Variants in SDK1 observed in about 807,000 individuals in gnomAD.
The protein encoded by SDK1 is protein sidekick-1.
SDK1 carries 157 observed loss-of-function variants against 245.5 expected under a neutral mutation model. The observed-to-expected ratio is 0.64, with a 90% CI of 0.56 to 0.73. SDK1 has a LOEUF of 0.73. Ranked by LOEUF, SDK1 falls within the 30% of genes least tolerant of loss-of-function variation. The pLI, the probability that SDK1 is intolerant of heterozygous loss-of-function variation, is 0.00. For missense variants in SDK1, 3,583 were observed against 3,002.3 expected, an observed-to-expected ratio of 1.19 and a Z score of -4.52; for synonymous variants, 1,647 against 1,278.5, an observed-to-expected ratio of 1.29 and a Z score of -6.15.
intron 4 of SDK1, among the ~76,000 whole-genome samples, chr7:3,791,620 G>C (rs1274555228): frequency 3.3e-5 from 5 of 152,178 alleles, no homozygotes; most frequent in Non-Finnish European, 7.3e-5. Context: ...GCTCCCTTGG[G>C]TGGGGAGGAC....
At chr7:3,542,992 G>C (rs946183278) in intron 1 of SDK1, among the ~76,000 whole-genome samples, 1 of 152,150 alleles carries the variant, frequency 6.6e-6, no homozygotes, top group African/African-American at 2.4e-5. Flanking sequence ...GAGCCTCTTT[G>C]GGGAGATTAC....
chr7:3,967,438 G>T lies in SDK1; in HGVS notation c.1546+4G>T, dbSNP rs987585441. On this transcript the variant is annotated splice_donor_region_variant and intron_variant, in intron 10 of 44. Transcript: ENST00000404826. ...CCCGCCATCACCTGGAAAAGAGGTG[G>T]GTAGCATCCACTGCCCACAACAGCA... 2 of 1,587,842 alleles carry T rather than the reference G, an allele frequency of 1.3e-6. No individual in the cohort carries two copies. The highest frequency in any genetic ancestry group is 1.7e-6 in the Non-Finnish European group (2 of 1,156,258).
chr7:3,704,121 T>TA (rs1784819017), intron 4 of SDK1, among the ~76,000 whole-genome samples: 1 of 152,166 alleles, frequency 6.6e-6, no homozygotes, highest in African/African-American at 2.4e-5. Flanking sequence ...TGCTTCCACT[T>TA]ATAAGTGAGA....
At position 4,026,684 on chromosome 7, in the gene SDK1, G is replaced by C. The variant is rs1787371350; in HGVS notation, c.2602+9332G>C. Among the ~76,000 whole-genome samples the C allele has an allele frequency of 6.6e-6, 1 of 152,188 alleles. No homozygotes were observed. The highest frequency in any genetic ancestry group is 1.9e-4 in the East Asian group (1 of 5,192). ...AAGAAACTTGAGCTTATTTGTCAAA[G>C]GTTTGTTAACCTAATAATGCCGTAG... On this transcript the variant is annotated intron_variant, in intron 17 of 44. Transcript: ENST00000404826. The surrounding 1 kb of genome is among the most constrained non-coding windows in gnomAD (Gnocchi z 4.1).
At position 3,480,539 on chromosome 7, in the gene SDK1, A is replaced by G. The variant is rs900883209; in HGVS notation, c.299-138541A>G. ...GGTGTTCCCGATAAGCTGCCTGCCC[A>G]TGGACACTTGCCTCCTTCCAGCTCC... On this transcript the variant is annotated intron_variant, in intron 1 of 44. Transcript: ENST00000404826. Among the ~76,000 whole-genome samples the G allele has an allele frequency of 8.5e-5, 13 of 152,188 alleles. No homozygotes were observed. The South Asian group carries it at 1.0e-3, about 12-fold the overall frequency.
At chr7:3,513,377 T>G (rs1450038504) in intron 1 of SDK1, among the ~76,000 whole-genome samples, 1 of 152,162 alleles carries the variant, frequency 6.6e-6, no homozygotes, top group Non-Finnish European at 1.5e-5. Context: ...TCAAGTTGAT[T>G]TACAGTGTTA....
chr7:4,166,200 T>C (rs1287279767), intron 32 of SDK1, among the ~76,000 whole-genome samples: 1 of 152,248 alleles, frequency 6.6e-6, no homozygotes, highest in Non-Finnish European at 1.5e-5. Flanking sequence ...GGGTTACATC[T>C]GCCTGGGCAA....
At chr7:3,814,678 C>T (rs952776896) in intron 4 of SDK1, among the ~76,000 whole-genome samples, 1 of 151,996 alleles carries the variant, frequency 6.6e-6, no homozygotes, top group African/African-American at 2.4e-5. Flanking sequence ...ATTGGGATGG[C>T]ATTGAATCTG....
At chr7:3,797,538 A>G (rs1042134908) in intron 4 of SDK1, among the ~76,000 whole-genome samples, 2 of 151,956 alleles carry the variant, frequency 1.3e-5, no homozygotes, top group African/African-American at 4.8e-5. Context: ...CATATTTTAT[A>G]TGCTTTACTC....
Position 4,266,110 on chromosome 7 carries a change from G to A in SDK1, c.*726G>A. 2 of 985,506 alleles carry A rather than the reference G, an allele frequency of 2.0e-6. No homozygotes were observed. Among genetic ancestry groups the A allele is most frequent in the Non-Finnish European group, 2.4e-6 (2 of 829,972 alleles). The allele number at this position is 985,506 out of a possible 1,614,324, so 61.0% of individuals were successfully genotyped here. A position where few individuals can be genotyped will look rare whatever the true frequency, so the allele number is the denominator to read the frequency against. ...TCACCTGACAGCGAGGGAGAGGGAA[G>A]CCTCTTAGGGCTGGAAGCCACCACG... On this transcript the variant is annotated 3_prime_UTR_variant, in exon 45 of 45. Transcript: ENST00000404826.
At chr7:4,170,732 G>A (rs1001008384) in intron 32 of SDK1, among the ~76,000 whole-genome samples, 12 of 152,074 alleles carry the variant, frequency 7.9e-5, no homozygotes, top group African/African-American at 2.7e-4. Context: ...GGAGGAAACC[G>A]AACATGAACC....
At chr7:3,886,096 C>T (rs1396457869) in intron 5 of SDK1, among the ~76,000 whole-genome samples, 1 of 152,212 alleles carries the variant, frequency 6.6e-6, no homozygotes, top group East Asian at 1.9e-4. Flanking sequence ...AGACCTGCAG[C>T]TCAGCCCCTC....
intron 38 of SDK1, among the ~76,000 whole-genome samples, chr7:4,219,895 T>C (rs1785044178): frequency 6.6e-6 from 1 of 151,840 alleles, no homozygotes; most frequent in South Asian, 2.1e-4. Context: ...CTCAGTTGTT[T>C]TCTTTGTCAG....
At chr7:3,960,833 A>T (rs183180655) in intron 8 of SDK1, among the ~76,000 whole-genome samples, 1 of 152,196 alleles carries the variant, frequency 6.6e-6, no homozygotes, top group African/African-American at 2.4e-5. Flanking sequence ...TTTCTTGTGT[A>T]GGTGCCAGCT....
At chr7:3,857,732 A>T (rs952268245) in intron 5 of SDK1, among the ~76,000 whole-genome samples, 1 of 152,142 alleles carries the variant, frequency 6.6e-6, no homozygotes, top group South Asian at 2.1e-4. Context: ...ACTGAATATT[A>T]GGATTAATGA....
chr7:3,706,578 AT>A (rs1261902586), intron 4 of SDK1, among the ~76,000 whole-genome samples: 7 of 151,926 alleles, frequency 4.6e-5, no homozygotes, highest in Non-Finnish European at 8.8e-5. Context: ...ATTTTTTTGT[AT>A]TTTTAGTAGA....
chr7:4,086,627 T>C (rs1004252926), intron 22 of SDK1, among the ~76,000 whole-genome samples: 12 of 152,204 alleles, frequency 7.9e-5, no homozygotes, highest in African/African-American at 2.9e-4. Flanking sequence ...TCCTCCTCCT[T>C]CCTTCTCATC....
chr7:4,236,601 G>A (rs1170961185), intron 41 of SDK1, among the ~76,000 whole-genome samples: 2 of 152,094 alleles, frequency 1.3e-5, no homozygotes, highest in East Asian at 1.9e-4. Context: ...GCAGACGGCA[G>A]GTCCTGGGGT....
chr7:3,695,787 A>G (rs941624992), intron 4 of SDK1, among the ~76,000 whole-genome samples: 10 of 152,224 alleles, frequency 6.6e-5, no homozygotes, highest in African/African-American at 2.4e-4. Context: ...GGCAACCGCT[A>G]GACGTAGCCT....
Sources: allele counts gnomAD v4.1 joint callset (sites outside exome capture counted in the v4.1 genomes callset), GRCh38; gene constraint gnomAD v4.1.1; non-coding constraint Gnocchi (gnomAD v3.1); transcripts MANE v1.5; gene names NCBI Gene and HGNC (gene_info 2026-07-23, HGNC 2026-07-21).